Variants in DNAAF4 observed in about 807,000 individuals in gnomAD.
DNAAF4 encodes dynein axonemal assembly factor 4.
Under a neutral mutation model 51.8 loss-of-function variants are expected in DNAAF4, and 43 were observed. The observed-to-expected ratio is 0.83, with a 90% CI of 0.65 to 1.07. DNAAF4 has a LOEUF of 1.07. DNAAF4 is among the 50% of genes least tolerant of loss of function. DNAAF4 has a pLI of 0.00. For synonymous variants in DNAAF4, 194 were observed against 165.6 expected (o/e 1.17, Z -1.32); for missense variants, 581 against 493.0 (o/e 1.18, Z -1.69).
rs188988581 is a variant in DNAAF4 at position 55,501,421 on chromosome 15, G to C, written c.-255-2837C>G. 1.1e-3 allele frequency among the ~76,000 whole-genome samples: 168 copies of C among 146,470 alleles called. 1 individual carries two copies. The highest frequency in any genetic ancestry group is 4.0e-3 in the African/African-American group (156 of 39,322). On this transcript the variant is annotated intron_variant, in intron 1 of 9. Transcript: ENST00000321149. ...GGCGGAGTCTCGCTCTTTCGCCCAGGCTGGAGTGCAGTGGCGCTATCTCGG... is the reference window on the plus strand; with the variant it reads ...GGCGGAGTCTCGCTCTTTCGCCCAGCCTGGAGTGCAGTGGCGCTATCTCGG...
At chr15:55,493,281 A>G (rs1434718278) in intron 3 of DNAAF4, among the ~76,000 whole-genome samples, 1 of 152,230 alleles carries the variant, frequency 6.6e-6, no homozygotes, top group Non-Finnish European at 1.5e-5. Flanking sequence ...TAGTACCCAA[A>G]CAGACTAAGA....
chr15:55,480,355 C>G (rs916385812), intron 4 of DNAAF4, among the ~76,000 whole-genome samples: 2 of 152,150 alleles, frequency 1.3e-5, no homozygotes, highest in African/African-American at 2.4e-5. Flanking sequence ...AAGGCCCCCT[C>G]CAGCCTTTAA....
At chr15:55,475,582 G>A (rs1435081522) in intron 4 of DNAAF4, among the ~76,000 whole-genome samples, 1 of 152,126 alleles carries the variant, frequency 6.6e-6, no homozygotes, top group African/African-American at 2.4e-5. Flanking sequence ...CACTGGCTGA[G>A]CATCCTTACT....
At chr15:55,465,225 C>T (rs776526973) in intron 5 of DNAAF4, among the ~76,000 whole-genome samples, 3 of 152,016 alleles carry the variant, frequency 2.0e-5, no homozygotes, top group East Asian at 1.9e-4. Flanking sequence ...AAAGTAGAAC[C>T]GCCATTTGAT....
At chr15:55,486,191 T>C (rs1432426734) in intron 4 of DNAAF4, among the ~76,000 whole-genome samples, 1 of 146,444 alleles carries the variant, frequency 6.8e-6, no homozygotes, top group Non-Finnish European at 1.5e-5. Flanking sequence ...GGTTGGTTGG[T>C]TGGTTTTTTT....
intron 7 of DNAAF4, chr15:55,418,531 C>G: frequency 6.6e-7 from 1 of 1,512,374 alleles, no homozygotes; most frequent in Non-Finnish European, 8.9e-7. Context: ...CTGACAGAAC[C>G]AGAACTCTTG....
intron 9 of DNAAF4, 51 bp downstream of exon 9, chr15:55,432,445 AT>A: frequency 2.1e-6 from 3 of 1,424,102 alleles, no homozygotes; most frequent in South Asian, 1.3e-5. Flanking sequence ...TTCCAATGAC[AT>A]TTTTTTCAGA....
chr15:55,472,442 A>G (rs1595930732), intron 4 of DNAAF4, among the ~76,000 whole-genome samples: 1 of 151,826 alleles, frequency 6.6e-6, no homozygotes, highest in Admixed American at 6.6e-5. Context: ...ACATGGTGAA[A>G]CCCCATCTAT....
intron 3 of DNAAF4, among the ~76,000 whole-genome samples, chr15:55,495,453 G>A (rs1271291955): frequency 2.0e-5 from 3 of 152,170 alleles, no homozygotes; most frequent in African/African-American, 4.8e-5. Context: ...ATTCCAGGCA[G>A]TAGTCTGGGT....
chr15:55,468,802 T>C (rs2058206376), intron 4 of DNAAF4, among the ~76,000 whole-genome samples: 1 of 152,214 alleles, frequency 6.6e-6, no homozygotes, highest in Non-Finnish European at 1.5e-5. Context: ...AAAGTTCTGG[T>C]ATTATAGCCA....
At chr15:55,473,204 T>A (rs1417130723) in intron 4 of DNAAF4, among the ~76,000 whole-genome samples, 1,257 of 80,742 alleles carry the variant, frequency 0.016, 104 homozygotes, top group African/African-American at 0.037. Flanking sequence ...AAAAAATATA[T>A]ATATATATAT....
chr15:55,466,893 C>CAGGA, intron 5 of DNAAF4, 37 bp downstream of exon 5: 1 of 1,576,002 alleles, frequency 6.3e-7, no homozygotes, highest in Non-Finnish European at 8.5e-7. Flanking sequence ...ACTTCACCAA[C>CAGGA]AGGACTCACT....
At chr15:55,484,298 A>G (rs2058454972) in intron 4 of DNAAF4, among the ~76,000 whole-genome samples, 1 of 152,050 alleles carries the variant, frequency 6.6e-6, no homozygotes, top group South Asian at 2.1e-4. Context: ...CCTGGCTAAC[A>G]TGGTGAAACC....
intron 7 of DNAAF4, among the ~76,000 whole-genome samples, chr15:55,435,748 G>A (rs532674718): frequency 6.6e-6 from 1 of 152,250 alleles, no homozygotes; most frequent in African/African-American, 2.4e-5. Flanking sequence ...AGATGTACAC[G>A]ATTAAAGGAT....
chr15:55,446,306 G>GC lies in DNAAF4; in HGVS notation c.783+3915_783+3916insG, dbSNP rs1376635880. ...TCCTCACATCCCAGACGGGGGGGGG[G>GC]GGCAGCTGGGCAGAGGCACTCCTCA... On this transcript the variant is annotated intron_variant, in intron 6 of 9. Coordinates refer to ENST00000321149, the MANE Select transcript of DNAAF4 (RefSeq NM_130810.4). Among the ~76,000 whole-genome samples, 4 of 117,064 alleles carry GC rather than the reference G, an allele frequency of 3.4e-5. 1 individual carries two copies. Among genetic ancestry groups the GC allele is most frequent in the South Asian group, 6.0e-4 (2 of 3,332 alleles). 76.8% of individuals were successfully genotyped at this position (117,064 alleles called of 152,430 possible). A position where few individuals can be genotyped will look rare whatever the true frequency, so the allele number is the denominator to read the frequency against.
intron 4 of DNAAF4, among the ~76,000 whole-genome samples, chr15:55,478,600 T>A (rs547475608): frequency 8.5e-5 from 13 of 152,204 alleles, no homozygotes; most frequent in Admixed American, 2.6e-4. Flanking sequence ...GCTATCCCAA[T>A]CCCAGCCCAA....
intron 6 of DNAAF4, among the ~76,000 whole-genome samples, chr15:55,441,251 T>A (rs188980803): frequency 6.6e-6 from 1 of 150,868 alleles, no homozygotes; most frequent in African/African-American, 2.4e-5. Context: ...TTTGTATTTT[T>A]AGTAGAGACG....
intron 4 of DNAAF4, among the ~76,000 whole-genome samples, chr15:55,469,547 A>C (rs181099269): frequency 0.013 from 1,530 of 121,486 alleles, 9 homozygotes; most frequent in South Asian, 0.017. Flanking sequence ...CAGTGGCGCA[A>C]TCTCGGCTCA....
At chr15:55,489,599 C>T (rs544903113) in intron 4 of DNAAF4, among the ~76,000 whole-genome samples, 5 of 149,346 alleles carry the variant, frequency 3.3e-5, no homozygotes, top group African/African-American at 7.4e-5. Flanking sequence ...CTCTTGAACC[C>T]GAGTGGCAGA....
Sources: gnomAD v4.1 joint callset for allele counts (sites outside exome capture counted in the v4.1 genomes callset) on GRCh38, gnomAD v4.1.1 for gene constraint, MANE v1.5 for transcripts, NCBI Gene and HGNC (gene_info 2026-07-23, HGNC 2026-07-21) for gene names.